The following IQCJ variants were observed in gnomAD, a reference collection of about 807,000 sequenced individuals.
IQCJ encodes IQ domain-containing protein J.
IQCJ carries 9 observed loss-of-function variants against 11.0 expected under a neutral mutation model. That is an observed-to-expected ratio of 0.82 (90% CI 0.49 to 1.43). The LOEUF (loss-of-function observed/expected upper bound fraction) is 1.43, where lower values mean the gene tolerates loss of function less well. Ranked by LOEUF, IQCJ falls within the 40% of genes most tolerant of loss-of-function variation. IQCJ has a pLI of 0.00. For synonymous variants in IQCJ, 55 were observed against 51.3 expected (o/e 1.07, Z -0.31); for missense variants, 146 against 133.2 (o/e 1.10, Z -0.47).
At chr3:159,101,989 C>G (rs1474312269) in intron 1 of IQCJ, among the ~76,000 whole-genome samples, 1 of 152,198 alleles carries the variant, frequency 6.6e-6, no homozygotes, top group East Asian at 1.9e-4. Context: ...TTTTCAGCTT[C>G]AGAAAAAAGT....
intron 1 of IQCJ, among the ~76,000 whole-genome samples, chr3:159,225,685 C>A (rs937984210): frequency 6.6e-6 from 1 of 152,084 alleles, no homozygotes; most frequent in Middle Eastern, 3.2e-3. Flanking sequence ...CCAAGAAATT[C>A]TCCAGTTCTC....
intron 1 of IQCJ, among the ~76,000 whole-genome samples, chr3:159,233,774 T>C (rs1726411231): frequency 6.6e-6 from 1 of 152,152 alleles, no homozygotes; most frequent in South Asian, 2.1e-4. Flanking sequence ...ACTTAAGGAA[T>C]CTCTCTGTGG....
intron 3 of IQCJ, among the ~76,000 whole-genome samples, chr3:159,253,396 A>C (rs1727712945): frequency 6.6e-6 from 1 of 152,204 alleles, no homozygotes; most frequent in African/African-American, 2.4e-5. Flanking sequence ...AACAAGATCC[A>C]AATTGAGAAA....
At chr3:159,101,848 A>C (rs1559985271) in intron 1 of IQCJ, among the ~76,000 whole-genome samples, 1 of 152,220 alleles carries the variant, frequency 6.6e-6, no homozygotes, top group Non-Finnish European at 1.5e-5. Context: ...AGACTCATTA[A>C]ATTATTTTAT....
intron 1 of IQCJ, among the ~76,000 whole-genome samples, chr3:159,144,117 G>T (rs753124843): frequency 6.6e-6 from 1 of 152,140 alleles, no homozygotes; most frequent in Non-Finnish European, 1.5e-5. Flanking sequence ...TTGGAATTAA[G>T]TTTCAACATG....
rs552816889 is a variant in IQCJ, at chr3:159,210,420, G to A, written c.10-35423G>A. On this transcript the variant is annotated intron_variant, in intron 1 of 3. Transcript: ENST00000397832. ...TCATAAACATTGTACTCTAGTAGAA[G>A]TTAATTTGAGTTATATAGTTGGCCC... is the stretch of plus-strand genomic sequence containing the variant. 5.3e-5 allele frequency among the ~76,000 whole-genome samples: 8 copies of A among 152,288 alleles called. No individual in the cohort carries two copies. The East Asian group carries it at 1.2e-3, about 22-fold the overall frequency.
chr3:159,083,829 T>G (rs1716501025), intron 1 of IQCJ, among the ~76,000 whole-genome samples: 1 of 152,148 alleles, frequency 6.6e-6, no homozygotes. Flanking sequence ...TATTGTATGA[T>G]TCCATTCATA....
intron 1 of IQCJ, among the ~76,000 whole-genome samples, chr3:159,167,075 T>G (rs1382442908): frequency 6.6e-6 from 1 of 152,168 alleles, no homozygotes. Flanking sequence ...ATTGGCAAGG[T>G]TTGCCTTTGA....
intron 1 of IQCJ, among the ~76,000 whole-genome samples, chr3:159,140,239 T>G (rs1246563048): frequency 1.3e-5 from 2 of 152,220 alleles, no homozygotes; most frequent in Non-Finnish European, 1.5e-5. Flanking sequence ...TAATGACATG[T>G]ACCTACCATT....
chr3:159,110,078 A>T lies in IQCJ; in HGVS notation c.9+40637A>T, dbSNP rs186044040. 3.9e-5 allele frequency among the ~76,000 whole-genome samples: 6 copies of T among 152,290 alleles called. No homozygotes were observed. The East Asian group carries it at 1.2e-3, about 29-fold the overall frequency. Reference sequence around the variant, plus strand: ...TTCAACTTCATGCTTTAGCAATATCAGACTATTTATAGCTTTCTATAGCTT... The same window carrying T: ...TTCAACTTCATGCTTTAGCAATATCTGACTATTTATAGCTTTCTATAGCTT... On this transcript the variant is annotated intron_variant, in intron 1 of 3. Coordinates refer to ENST00000397832, the MANE Select transcript of IQCJ (RefSeq NM_001042706.3).
chr3:159,179,718 C>T (rs1434788608), intron 1 of IQCJ, among the ~76,000 whole-genome samples: 1 of 152,138 alleles, frequency 6.6e-6, no homozygotes, highest in Non-Finnish European at 1.5e-5. Context: ...ATTTATTAAG[C>T]ATTTAATAAG....
chr3:159,233,373 T>G (rs1212990904), intron 1 of IQCJ, among the ~76,000 whole-genome samples: 1 of 152,118 alleles, frequency 6.6e-6, no homozygotes, highest in African/African-American at 2.4e-5. Context: ...TGGCAGGCAA[T>G]AAGTCTTCAA....
intron 1 of IQCJ, among the ~76,000 whole-genome samples, chr3:159,114,334 G>A (rs1329511890): frequency 1.4e-5 from 2 of 143,374 alleles, no homozygotes; most frequent in Non-Finnish European, 3.0e-5. Flanking sequence ...TTTCTGAGAC[G>A]TAGTCTTGCT....
At chr3:159,168,541 C>T (rs1450950437) in intron 1 of IQCJ, among the ~76,000 whole-genome samples, 1 of 152,008 alleles carries the variant, frequency 6.6e-6, no homozygotes, top group African/African-American at 2.4e-5. Flanking sequence ...ATGGTCATAC[C>T]TGATTAGACA....
intron 1 of IQCJ, among the ~76,000 whole-genome samples, chr3:159,137,678 T>C (rs1720374951): frequency 6.6e-6 from 1 of 152,240 alleles, no homozygotes; most frequent in African/African-American, 2.4e-5. Context: ...CTGATCTCTT[T>C]GGATTGCACC....
chr3:159,192,469 C>T (rs190197540), intron 1 of IQCJ, among the ~76,000 whole-genome samples: 2 of 152,190 alleles, frequency 1.3e-5, no homozygotes, highest in East Asian at 1.9e-4. Context: ...AGCAGAGTTG[C>T]GGAGAGGTAG....
At chr3:159,107,026 AT>A (rs1305095676) in intron 1 of IQCJ, among the ~76,000 whole-genome samples, 3 of 152,178 alleles carry the variant, frequency 2.0e-5, no homozygotes, top group Non-Finnish European at 4.4e-5. Context: ...TGTTCTGCAA[AT>A]TATGACCCCT....
chr3:159,150,616 A>ACG (rs1721159841), intron 1 of IQCJ, among the ~76,000 whole-genome samples: 1 of 137,658 alleles, frequency 7.3e-6, no homozygotes, highest in Non-Finnish European at 1.5e-5. Context: ...ACACACACAC[A>ACG]TATTCTGGGG....
intron 3 of IQCJ, among the ~76,000 whole-genome samples, chr3:159,261,597 A>T (rs1353940632): frequency 1.3e-5 from 2 of 152,162 alleles, no homozygotes; most frequent in Non-Finnish European, 1.5e-5. Flanking sequence ...CCATGATTGT[A>T]AGTTTCCTGA....
Sources: allele counts gnomAD v4.1 joint callset (sites outside exome capture counted in the v4.1 genomes callset), GRCh38; gene constraint gnomAD v4.1.1; transcripts MANE v1.5; gene names NCBI Gene and HGNC (gene_info 2026-07-23, HGNC 2026-07-21).